PCSK6: variants seen among roughly 807,000 people sequenced by gnomAD.
PCSK6 encodes the protein proprotein convertase subtilisin/kexin type 6.
PCSK6 carries 85 observed loss-of-function variants against 123.3 expected under a neutral mutation model. The ratio of observed to expected loss-of-function variants is 0.69; its 90% confidence interval spans 0.58 to 0.83. The LOEUF (loss-of-function observed/expected upper bound fraction) is 0.83. Ranked by LOEUF, PCSK6 falls within the 40% of genes least tolerant of loss-of-function variation. PCSK6 has a pLI of 0.00. For synonymous variants in PCSK6, 508 were observed against 516.0 expected (o/e 0.98, Z 0.21); for missense variants, 1,191 against 1,282.3 (o/e 0.93, Z 1.09).
intron 6 of PCSK6, among the ~76,000 whole-genome samples, chr15:101,411,055 C>G (rs559399466): frequency 6.6e-6 from 1 of 152,188 alleles, no homozygotes; most frequent in Admixed American, 6.5e-5. Flanking sequence ...AGGAATAAAA[C>G]TTAGAACGAA....
At chr15:101,350,950 T>C (rs2040874088) in intron 13 of PCSK6, among the ~76,000 whole-genome samples, 1 of 152,238 alleles carries the variant, frequency 6.6e-6, no homozygotes, top group South Asian at 2.1e-4. Context: ...AACATTAAAT[T>C]ATAGAAGCTT....
At chr15:101,358,757 T>C (rs1025380768) in intron 13 of PCSK6, among the ~76,000 whole-genome samples, 1 of 152,222 alleles carries the variant, frequency 6.6e-6, no homozygotes, top group African/African-American at 2.4e-5. Context: ...AAAGGGCCGC[T>C]TGGCCTTTGT....
chr15:101,416,644 G>T (rs1376087442), intron 6 of PCSK6, among the ~76,000 whole-genome samples: 3 of 152,236 alleles, frequency 2.0e-5, no homozygotes, highest in Non-Finnish European at 4.4e-5. Flanking sequence ...GTGGTTTCAT[G>T]GGCCACGCCC....
intron 6 of PCSK6, among the ~76,000 whole-genome samples, chr15:101,418,442 G>A (rs1165866535): frequency 6.6e-6 from 1 of 151,648 alleles, no homozygotes; most frequent in Non-Finnish European, 1.5e-5. Flanking sequence ...GCAGTTGAAT[G>A]CAGATGTATC....
At chr15:101,459,025 G>A (rs2057266243) in intron 1 of PCSK6, among the ~76,000 whole-genome samples, 1 of 152,192 alleles carries the variant, frequency 6.6e-6, no homozygotes, top group Non-Finnish European at 1.5e-5. Flanking sequence ...TGGCGTGTGT[G>A]TAGCTTCTCT....
At chr15:101,385,177 C>G (rs976218696) in intron 9 of PCSK6, among the ~76,000 whole-genome samples, 1 of 50,476 alleles carries the variant, frequency 2.0e-5, no homozygotes. Context: ...CCACCACACC[C>G]GGCTAATTTT....
At chr15:101,318,725 T>G (rs1198050697) in intron 18 of PCSK6, among the ~76,000 whole-genome samples, 1 of 152,204 alleles carries the variant, frequency 6.6e-6, no homozygotes, top group Non-Finnish European at 1.5e-5. Context: ...CCAAACCCCA[T>G]GAAGAGAAGT....
chr15:101,468,282 TCACCATCATCATCATCGTCA>T (rs2057515200), intron 1 of PCSK6, among the ~76,000 whole-genome samples: 1 of 152,148 alleles, frequency 6.6e-6, no homozygotes, highest in Non-Finnish European at 1.5e-5. Flanking sequence ...CTTGTCATTG[TCACCATCATCATCATCGTCA>T]CAGCACCAGC....
chr15:101,430,169 C>T (rs754731580), intron 4 of PCSK6, 106 bp from the exon 5 acceptor site: 38 of 791,582 alleles, frequency 4.8e-5, no homozygotes, highest in Admixed American at 1.4e-4. Context: ...CGCGGGGCTC[C>T]TCTCTTACTA....
intron 13 of PCSK6, among the ~76,000 whole-genome samples, chr15:101,350,034 G>A (rs1364133464): frequency 4.0e-5 from 6 of 151,764 alleles, no homozygotes; most frequent in Non-Finnish European, 8.8e-5. Context: ...TCAGCCTCCC[G>A]AGTAGCTGAG....
intron 9 of PCSK6, among the ~76,000 whole-genome samples, chr15:101,385,166 A>C (rs2042023560): frequency 8.6e-6 from 1 of 116,094 alleles, no homozygotes; most frequent in Admixed American, 9.6e-5. Flanking sequence ...ACAGGTGTGC[A>C]CCACCACACC....
chr15:101,381,218 G>A (rs2041903053), intron 11 of PCSK6, among the ~76,000 whole-genome samples: 1 of 152,092 alleles, frequency 6.6e-6, no homozygotes, highest in South Asian at 2.1e-4. Flanking sequence ...AAAAAAACTA[G>A]CTGGGCATGG....
At chr15:101,339,480 T>C (rs1596200897) in intron 13 of PCSK6, among the ~76,000 whole-genome samples, 1 of 152,220 alleles carries the variant, frequency 6.6e-6, no homozygotes, top group East Asian at 1.9e-4. Context: ...TAAAAAAGCT[T>C]ACTTCCATCC....
chr15:101,305,162 G>T lies in PCSK6; in HGVS notation c.*96C>A. On this transcript the variant is annotated 3_prime_UTR_variant, in exon 22 of 22. Transcript: ENST00000611716. This position sits in a 1 kb window ranked among gnomAD's most constrained non-coding sequence, Gnocchi z 4.8. ...GGGAGATAAAGCTGTCAGGTGCAGG[G>T]CGCCGCTCCTGAAACAGACTCTGGC... is the stretch of plus-strand genomic sequence containing the variant. The T allele has an allele frequency of 9.8e-7, 1 of 1,018,608 alleles. No individual in the cohort carries two copies. The highest frequency in any genetic ancestry group is 1.5e-6 in the Non-Finnish European group (1 of 677,548). The allele number at this position is 1,018,608 out of a possible 1,614,324, so 63.1% of individuals were successfully genotyped here.
intron 2 of PCSK6, among the ~76,000 whole-genome samples, chr15:101,435,136 G>A (rs2056561160): frequency 6.6e-6 from 1 of 152,116 alleles, no homozygotes; most frequent in Non-Finnish European, 1.5e-5. Context: ...CCCCCTCGGG[G>A]TGAAACCAGG....
intron 2 of PCSK6, among the ~76,000 whole-genome samples, chr15:101,433,185 C>A (rs1032114174): frequency 2.0e-5 from 3 of 152,170 alleles, no homozygotes; most frequent in African/African-American, 7.2e-5. Context: ...ACATCCATGG[C>A]CTCAGGGTGG....
intron 1 of PCSK6, 35 bp downstream of exon 1, chr15:101,489,339 G>T (rs1454396053): frequency 9.0e-7 from 1 of 1,115,682 alleles, no homozygotes; most frequent in Non-Finnish European, 1.1e-6. Context: ...AGGCCGCCGG[G>T]AAAGTTTTGG....
chr15:101,447,081 T>A (rs1170965319), intron 1 of PCSK6, among the ~76,000 whole-genome samples: 1 of 152,146 alleles, frequency 6.6e-6, no homozygotes, highest in African/African-American at 2.4e-5. Context: ...GATGCTGCGT[T>A]TATGATACAG....
chr15:101,433,050 G>A (rs1396787524), intron 2 of PCSK6, among the ~76,000 whole-genome samples: 3 of 152,156 alleles, frequency 2.0e-5, no homozygotes, highest in African/African-American at 4.8e-5. Flanking sequence ...TTGTTTTCAC[G>A]ATCAAGGAAA....
Sources: gnomAD v4.1 joint callset for allele counts (sites outside exome capture counted in the v4.1 genomes callset) on GRCh38, gnomAD v4.1.1 for gene constraint, Gnocchi (gnomAD v3.1) non-coding constraint, MANE v1.5 for transcripts, NCBI Gene and HGNC (gene_info 2026-07-23, HGNC 2026-07-21) for gene names.